The following MSRA variants were observed in gnomAD, a reference collection of about 807,000 sequenced individuals.
MSRA encodes the protein mitochondrial peptide methionine sulfoxide reductase.
In MSRA, 54 loss-of-function variants were observed where a neutral mutation model predicts 31.3. The observed-to-expected ratio is 1.73, with a 90% CI of 1.39 to 2.17. The LOEUF is 2.17. Ranked by LOEUF, MSRA falls within the 30% of genes most tolerant of loss-of-function variation. The pLI, the probability that MSRA is intolerant of heterozygous loss-of-function variation, is 0.00. For synonymous variants in MSRA, 169 were observed against 116.5 expected, an observed-to-expected ratio of 1.45 and a Z score of -2.90; for missense variants, 507 against 300.9, an observed-to-expected ratio of 1.69 and a Z score of -5.07.
At chr8:10,389,128 T>C (rs541394485) in intron 5 of MSRA, among the ~76,000 whole-genome samples, 1 of 152,236 alleles carries the variant, frequency 6.6e-6, no homozygotes, top group South Asian at 2.1e-4. Flanking sequence ...CATGAATGGG[T>C]TAAAACACTC....
chr8:10,057,381 A>T (rs1802435081), intron 1 of MSRA, among the ~76,000 whole-genome samples: 1 of 152,190 alleles, frequency 6.6e-6, no homozygotes, highest in Admixed American at 6.5e-5. Flanking sequence ...TACTTGTTGA[A>T]GTGTATTGGT....
At chr8:10,199,137 C>G (rs1808258515) in intron 1 of MSRA, among the ~76,000 whole-genome samples, 1 of 152,100 alleles carries the variant, frequency 6.6e-6, no homozygotes, top group Non-Finnish European at 1.5e-5. Flanking sequence ...TGGATGCCTG[C>G]TTTGGGAGCC....
intron 3 of MSRA, among the ~76,000 whole-genome samples, chr8:10,247,408 C>G (rs1797679182): frequency 6.6e-6 from 1 of 152,222 alleles, no homozygotes; most frequent in South Asian, 2.1e-4. Context: ...TCCCTTTGCA[C>G]TTTCTTCCAC....
intron 1 of MSRA, among the ~76,000 whole-genome samples, chr8:10,161,935 G>A (rs985770961): frequency 6.6e-6 from 1 of 152,160 alleles, no homozygotes; most frequent in African/African-American, 2.4e-5. Context: ...CTTGTTACAG[G>A]GTGGTCCGGA....
At chr8:10,300,779 C>T (rs28707596) in intron 3 of MSRA, among the ~76,000 whole-genome samples, 6,001 of 152,050 alleles carry the variant, frequency 0.039, 303 homozygotes, top group African/African-American at 0.12. Context: ...CTCTTATTTG[C>T]CATGCTCTAA....
chr8:10,222,593 C>T (rs149356685), intron 2 of MSRA, among the ~76,000 whole-genome samples: 2 of 152,228 alleles, frequency 1.3e-5, no homozygotes, highest in Middle Eastern at 3.4e-3. Flanking sequence ...GATACAATGT[C>T]CATCAGTGGA....
chr8:10,176,511 C>T (rs1426387706), intron 1 of MSRA, among the ~76,000 whole-genome samples: 1 of 152,204 alleles, frequency 6.6e-6, no homozygotes, highest in Non-Finnish European at 1.5e-5. Context: ...TCCTTTGTTT[C>T]CTTCTTCATG....
intron 3 of MSRA, among the ~76,000 whole-genome samples, chr8:10,271,876 G>A (rs1267922345): frequency 2.0e-5 from 3 of 151,944 alleles, no homozygotes; most frequent in African/African-American, 4.8e-5. Flanking sequence ...GTGCTACCAC[G>A]CCCAGCTAAT....
intron 2 of MSRA, among the ~76,000 whole-genome samples, chr8:10,228,862 C>G (rs570475506): frequency 2.6e-5 from 4 of 152,298 alleles, no homozygotes; most frequent in Admixed American, 2.6e-4. Context: ...GATACAAACT[C>G]ATTTATTCCT....
At chr8:10,057,420 A>G (rs1182700102) in intron 1 of MSRA, among the ~76,000 whole-genome samples, 5 of 152,216 alleles carry the variant, frequency 3.3e-5, no homozygotes, top group African/African-American at 7.2e-5. Flanking sequence ...GGCTGCAGGT[A>G]GAAGGCTCAT....
chr8:10,229,863 C>G (rs1563245788), intron 2 of MSRA, among the ~76,000 whole-genome samples: 2 of 152,138 alleles, frequency 1.3e-5, no homozygotes, highest in South Asian at 4.1e-4. Context: ...GAAATGGGAG[C>G]TCTTTTTCTT....
chr8:10,352,358 A>G (rs1252393480), intron 5 of MSRA, among the ~76,000 whole-genome samples: 1 of 152,054 alleles, frequency 6.6e-6, no homozygotes, highest in Non-Finnish European at 1.5e-5. Context: ...TGGTATGCGA[A>G]GGGGAAAATC....
chr8:10,330,765 G>C (rs1234200339), intron 5 of MSRA, among the ~76,000 whole-genome samples: 1 of 152,076 alleles, frequency 6.6e-6, no homozygotes, highest in East Asian at 1.9e-4. Context: ...TGCTGTGCTT[G>C]GTACCTAGTG....
chr8:10,415,931 A>G (rs1202535634), intron 5 of MSRA, among the ~76,000 whole-genome samples: 2 of 151,688 alleles, frequency 1.3e-5, no homozygotes, highest in African/African-American at 2.4e-5. Flanking sequence ...TTGCACCTCC[A>G]TTTCCGCACA....
intron 1 of MSRA, among the ~76,000 whole-genome samples, chr8:10,068,183 C>G (rs566762157): frequency 6.6e-6 from 1 of 152,036 alleles, no homozygotes; most frequent in Non-Finnish European, 1.5e-5. Context: ...CATGAGTGGC[C>G]TATTGTTGAG....
chr8:10,374,904 A>C (rs1036947720), intron 5 of MSRA, among the ~76,000 whole-genome samples: 2 of 152,146 alleles, frequency 1.3e-5, no homozygotes, highest in African/African-American at 4.8e-5. Flanking sequence ...CACCCAGTTC[A>C]TGCAAGAGCT....
At chr8:10,390,361 A>T (rs1276344931) in intron 5 of MSRA, among the ~76,000 whole-genome samples, 6 of 152,138 alleles carry the variant, frequency 3.9e-5, no homozygotes, top group Non-Finnish European at 7.4e-5. Flanking sequence ...CAGATGACCA[A>T]ACTGGAGTCG....
In MSRA at chr8:10,320,077, A is replaced by T. The variant is rs768472951; in HGVS notation, c.543+88A>T. 7.8e-6 allele frequency: 6 copies of T among 770,198 alleles called. No homozygotes were observed. In the African/African-American group the frequency reaches 1.1e-4, roughly 14 times the overall value. 47.7% of individuals were successfully genotyped at this position (770,198 alleles called of 1,614,324 possible). A position where few individuals can be genotyped will look rare whatever the true frequency, so the allele number is the denominator to read the frequency against. On this transcript the variant is annotated intron_variant, in intron 5 of 5. Coordinates refer to ENST00000317173, the MANE Select transcript of MSRA (RefSeq NM_012331.5). ...TTTAGAGGGCAGTCTGCTGCTTTTC[A>T]ACTGGAATTGTGTTTTATTTGCACA...
At chr8:10,225,378 T>A (rs1810904068) in intron 2 of MSRA, among the ~76,000 whole-genome samples, 1 of 152,236 alleles carries the variant, frequency 6.6e-6, no homozygotes, top group African/African-American at 2.4e-5. Context: ...ATTACCCATC[T>A]CTGCCTGTGC....
Sources: allele counts gnomAD v4.1 joint callset (sites outside exome capture counted in the v4.1 genomes callset), GRCh38; gene constraint gnomAD v4.1.1; transcripts MANE v1.5; gene names NCBI Gene and HGNC (gene_info 2026-07-23, HGNC 2026-07-21).